The following CFAP54 variants were observed in gnomAD, a reference collection of about 807,000 sequenced individuals.
The protein encoded by CFAP54 is cilia and flagella associated protein 54.
A neutral mutation model predicts 370.4 loss-of-function variants in CFAP54; 290 were observed. The ratio of observed to expected loss-of-function variants is 0.78; its 90% CI spans 0.71 to 0.86. The LOEUF is 0.86. Ranked by LOEUF, CFAP54 falls within the 40% of genes least tolerant of loss-of-function variation. The pLI, the probability that CFAP54 is intolerant of heterozygous loss-of-function variation, is 0.00. For missense variants in CFAP54, 3,399 were observed against 3,528.7 expected (o/e 0.96, Z 0.93); for synonymous variants, 1,206 against 1,236.5 (o/e 0.98, Z 0.52).
In CFAP54 at chr12:96,625,703, A is replaced by G; in HGVS notation, c.3887-15A>G. On this transcript the variant is annotated splice_polypyrimidine_tract_variant and intron_variant, in intron 28 of 67. Coordinates refer to ENST00000524981, the MANE Select transcript of CFAP54 (RefSeq NM_001306084.2). ...ACTAAACAGAACATACAACTTTTGAATTTTTTAACCTTAGATGTTACATCT... is the reference window on the plus strand; with the variant it reads ...ACTAAACAGAACATACAACTTTTGAGTTTTTTAACCTTAGATGTTACATCT... 6.6e-7 allele frequency: 1 copy of G among 1,513,818 alleles called. No individual in the cohort carries two copies. The highest frequency in any genetic ancestry group is 8.8e-7 in the Non-Finnish European group (1 of 1,132,494). 93.8% of individuals were successfully genotyped at this position (1,513,818 alleles called of 1,614,324 possible). A position where few individuals can be genotyped will look rare whatever the true frequency, so the allele number is the denominator to read the frequency against.
chr12:96,527,143 T>A, intron 8 of CFAP54, 103 bp from the exon 9 acceptor site: 1 of 1,024,122 alleles, frequency 9.8e-7, no homozygotes, highest in Non-Finnish European at 1.3e-6. Context: ...GCAATCCTCC[T>A]GCCTTGGCCT....
intron 26 of CFAP54, among the ~76,000 whole-genome samples, chr12:96,613,215 T>G (rs1459910513): frequency 2.6e-5 from 4 of 152,190 alleles, no homozygotes; most frequent in Admixed American, 6.5e-5. Context: ...GATTAAAAAC[T>G]CACTCAAAAC....
intron 50 of CFAP54, among the ~76,000 whole-genome samples, chr12:96,736,633 A>T (rs933916589): frequency 1.3e-5 from 2 of 152,250 alleles, no homozygotes; most frequent in African/African-American, 4.8e-5. Context: ...TGGTCCAGAC[A>T]TCTTTAAAAC....
Position 96,521,979 on chromosome 12 carries a change from A to C in CFAP54, c.1056+9A>C. The C allele has an allele frequency of 2.6e-6, 4 of 1,530,646 alleles. No individual in the cohort carries two copies. Among genetic ancestry groups the C allele is most frequent in the Non-Finnish European group, 3.5e-6 (4 of 1,142,706 alleles). The allele number at this position is 1,530,646 out of a possible 1,614,324, so 94.8% of individuals were successfully genotyped here. The stretch of plus-strand genomic sequence containing the variant: ...GAGAGGCCACAATGAAGGTATAAAA[A>C]TTTCATGAAATAAAAGAAATTTACC... On this transcript the variant is annotated intron_variant, in intron 7 of 67. Coordinates refer to ENST00000524981, the MANE Select transcript of CFAP54 (RefSeq NM_001306084.2).
At chr12:96,606,298 G>A (rs571022593) in intron 26 of CFAP54, among the ~76,000 whole-genome samples, 28 of 152,300 alleles carry the variant, frequency 1.8e-4, no homozygotes, top group South Asian at 1.7e-3. Context: ...TTAGCCTACA[G>A]TTGAGTGGGC....
chr12:96,504,071 A>G lies in CFAP54; in HGVS notation c.567+42A>G, dbSNP rs1955062752. The stretch of plus-strand genomic sequence containing the variant: ...GCTGAAATAGCTACAATTTATGATT[A>G]GCTATACAATGTATCTTTTAGTTGA... On this transcript the variant is annotated intron_variant, in intron 3 of 67. Transcript: ENST00000524981. The G allele has an allele frequency of 2.1e-6, 3 of 1,460,222 alleles. No homozygotes were observed. In the African/African-American group the frequency reaches 4.3e-5, roughly 21 times the overall value. 90.5% of individuals were successfully genotyped at this position (1,460,222 alleles called of 1,614,324 possible).
chr12:96,843,304 C>T (rs985905955), intron 66 of CFAP54, among the ~76,000 whole-genome samples: 1 of 152,124 alleles, frequency 6.6e-6, no homozygotes, highest in African/African-American at 2.4e-5. Context: ...GGTCAAAAAC[C>T]CACAGGCAGA....
intron 43 of CFAP54, among the ~76,000 whole-genome samples, chr12:96,689,706 A>G (rs911736852): frequency 6.6e-6 from 1 of 152,186 alleles, no homozygotes; most frequent in Admixed American, 6.5e-5. Flanking sequence ...CAGGAGAGGT[A>G]TGCTTACAGT....
chr12:96,752,133 A>AGAGAGAGAGAGAGAG (rs1671757016), intron 55 of CFAP54, among the ~76,000 whole-genome samples: 4 of 129,412 alleles, frequency 3.1e-5, no homozygotes, highest in Non-Finnish European at 6.7e-5. Flanking sequence ...AGAGAGAGAG[A>AGAGAGAGAGAGAGAG]TTGAGGCTGT....
chr12:96,566,194 A>G (rs573480108), intron 19 of CFAP54, among the ~76,000 whole-genome samples: 1 of 152,216 alleles, frequency 6.6e-6, no homozygotes, highest in Non-Finnish European at 1.5e-5. Flanking sequence ...GAACAAACTA[A>G]TACACCTTCT....
Position 96,663,897 on chromosome 12 carries a change from A to G in CFAP54, c.5528A>G (p.Asn1843Ser). 1.2e-6 allele frequency: 2 copies of G among 1,613,358 alleles called. No homozygotes were observed. Among genetic ancestry groups the G allele is most frequent in the Non-Finnish European group, 1.7e-6 (2 of 1,179,628 alleles). ...TCTTCAACCATTGAAGCAACAAGCA[A>G]CTGCACAGATTTGCTAAAAATGCTT... The part of the protein sequence containing the change: ...INSSTIEATS[N>S]CTDLLKMLIS... Residue 1843 changes from asparagine to serine, a missense_variant, in exon 39 of 68, where the codon AAC (asparagine) becomes AGC (serine). By Grantham distance (46) the Asn-to-Ser change is conservative (BLOSUM62 1). Around this residue, in one of 3 missense-constraint regions of CFAP54, gnomAD observed 2,796 missense variants for 2,869.7 expected, o/e 0.97. Coordinates refer to ENST00000524981, the MANE Select transcript of CFAP54 (RefSeq NM_001306084.2).
At chr12:96,760,397 A>G (rs139834854) in intron 58 of CFAP54, among the ~76,000 whole-genome samples, 1 of 152,244 alleles carries the variant, frequency 6.6e-6, no homozygotes, top group Non-Finnish European at 1.5e-5. Flanking sequence ...GAACATTTTC[A>G]TCATCCCAAG....
At chr12:96,814,101 A>C (rs1173298931) in intron 64 of CFAP54, among the ~76,000 whole-genome samples, 2 of 152,202 alleles carry the variant, frequency 1.3e-5, no homozygotes, top group Non-Finnish European at 2.9e-5. Flanking sequence ...CAGCACAGGC[A>C]GTGAAGTTCT....
rs139323773 is a variant in CFAP54, at chr12:96,580,165, TC to T, written c.2797-431del. 3.0e-3 allele frequency among the ~76,000 whole-genome samples: 446 copies of T among 151,098 alleles called. 3 individuals are homozygous for T. Among genetic ancestry groups the T allele is most frequent in the Non-Finnish European group, 4.3e-3 (292 of 67,968 alleles). ...AATATGAAAATCACTTGAGTGTTAA[TC>T]TTTTTTTTTACATCAAGACAAAGTC... On this transcript the variant is annotated intron_variant, in intron 20 of 67. Transcript: ENST00000524981.
At chr12:96,535,295 C>G (rs1955490337) in intron 11 of CFAP54, among the ~76,000 whole-genome samples, 1 of 152,170 alleles carries the variant, frequency 6.6e-6, no homozygotes, top group African/African-American at 2.4e-5. Flanking sequence ...AGTGATCCGT[C>G]TGCCTCAGCC....
intron 17 of CFAP54, among the ~76,000 whole-genome samples, chr12:96,559,767 G>A (rs1955796577): frequency 6.6e-6 from 1 of 151,868 alleles, no homozygotes; most frequent in African/African-American, 2.4e-5. Context: ...CTAATAATGA[G>A]GACATTCTCT....
At chr12:96,770,804 A>G (rs1425541369) in intron 60 of CFAP54, among the ~76,000 whole-genome samples, 2 of 152,232 alleles carry the variant, frequency 1.3e-5, no homozygotes, top group Admixed American at 1.3e-4. Context: ...CAGAGAGGTT[A>G]TGTAACTTGT....
chr12:96,648,373 C>T (rs2136498786), intron 34 of CFAP54, among the ~76,000 whole-genome samples: 1 of 152,108 alleles, frequency 6.6e-6, no homozygotes, highest in Admixed American at 6.6e-5. Context: ...CAAATAAGTT[C>T]CCAAGCAAAA....
chr12:96,728,532 T>C (rs1001019700), intron 50 of CFAP54, among the ~76,000 whole-genome samples: 5 of 152,242 alleles, frequency 3.3e-5, no homozygotes, highest in African/African-American at 4.8e-5. Flanking sequence ...CTCCATCAGC[T>C]CCTTTAAGCA....
Sources: gnomAD v4.1 joint callset for allele counts (sites outside exome capture counted in the v4.1 genomes callset) on GRCh38, gnomAD v4.1.1 for gene constraint, gnomAD v4.1.1 regional missense constraint, MANE v1.5 for transcripts, NCBI Gene and HGNC (gene_info 2026-07-23, HGNC 2026-07-21) for gene names.